Variants in FAM168B observed in about 807,000 individuals in gnomAD.
The protein encoded by FAM168B is myelin-associated neurite-outgrowth inhibitor.
A neutral mutation model predicts 21.8 loss-of-function variants in FAM168B; 19 were observed. The observed-to-expected ratio is 0.87, with a 90% confidence interval of 0.61 to 1.28. The LOEUF is 1.28. Ranked by LOEUF, FAM168B falls within the 50% of genes most tolerant of loss-of-function variation. The pLI, the probability that FAM168B is intolerant of heterozygous loss-of-function variation, is 0.00. For synonymous variants in FAM168B, 126 were observed against 104.8 expected, an observed-to-expected ratio of 1.20 and a Z score of -1.24; for missense variants, 233 against 263.1, an observed-to-expected ratio of 0.89 and a Z score of 0.79.
intron 2 of FAM168B, among the ~76,000 whole-genome samples, chr2:131,072,713 T>A (rs868806337): frequency 6.6e-6 from 1 of 152,114 alleles, no homozygotes; most frequent in Non-Finnish European, 1.5e-5. Context: ...CACCTCAGCC[T>A]CCCGAAGTGC....
At chr2:131,064,838 G>C (rs892943794) in intron 3 of FAM168B, among the ~76,000 whole-genome samples, 5 of 152,146 alleles carry the variant, frequency 3.3e-5, no homozygotes, top group African/African-American at 1.2e-4. Context: ...AGATCACCAG[G>C]AAAACAACAC....
chr2:131,075,771 A>C (rs888037326), intron 2 of FAM168B, among the ~76,000 whole-genome samples: 1 of 152,076 alleles, frequency 6.6e-6, no homozygotes, highest in Non-Finnish European at 1.5e-5. Flanking sequence ...TACAGGCACG[A>C]GCCACCGCGC....
chr2:131,065,796 A>C (rs1222507059), intron 3 of FAM168B, among the ~76,000 whole-genome samples: 1 of 150,464 alleles, frequency 6.6e-6, no homozygotes, highest in Non-Finnish European at 1.5e-5. Context: ...CTCAAAAAAA[A>C]AAGAAAAAAA....
intron 3 of FAM168B, among the ~76,000 whole-genome samples, chr2:131,060,024 G>T (rs565309893): frequency 2.1e-4 from 32 of 152,140 alleles, no homozygotes; most frequent in African/African-American, 7.7e-4. Flanking sequence ...TGTGTGAGCA[G>T]GAATTTTTTT....
intron 1 of FAM168B, 44 bp from the exon 2 acceptor site, chr2:131,082,701 A>C: frequency 7.3e-7 from 1 of 1,375,924 alleles, no homozygotes; most frequent in Non-Finnish European, 1.0e-6. Context: ...TTTTGCTCTC[A>C]GATTTTTCTC....
chr2:131,068,505 A>C (rs1692690028), intron 3 of FAM168B, among the ~76,000 whole-genome samples: 1 of 152,100 alleles, frequency 6.6e-6, no homozygotes, highest in Non-Finnish European at 1.5e-5. Context: ...CTCCTACAAG[A>C]CCAGAAGATC....
chr2:131,072,020 A>C (rs1692898334), intron 2 of FAM168B, 82 bp from the exon 3 acceptor site: 1 of 1,255,622 alleles, frequency 8.0e-7, no homozygotes, highest in African/African-American at 1.5e-5. Flanking sequence ...CATCGCTCTT[A>C]CCTTCTTCCC....
intron 1 of FAM168B, among the ~76,000 whole-genome samples, chr2:131,092,903 G>A (rs1473726098): frequency 1.3e-5 from 2 of 152,072 alleles, no homozygotes; most frequent in Non-Finnish European, 2.9e-5. Context: ...CTGCCCCCGG[G>A]TTTCACGCTC....
Position 131,050,213 on chromosome 2 carries a change from ACCT to A in FAM168B, c.*2249_*2251del. The stretch of plus-strand genomic sequence containing the variant: ...CCTGAAGAGATGCCTGTAACTTCTA[ACCT>A]CCTCCTGAACCCCAAGACTCCAGCC... On this transcript the variant is annotated 3_prime_UTR_variant, in exon 7 of 7. Transcript: ENST00000389915. 1.0e-6 allele frequency: 1 copy of A among 985,430 alleles called. No homozygotes were observed. The highest frequency in any genetic ancestry group is 1.2e-6 in the Non-Finnish European group (1 of 829,936). 61.0% of individuals were successfully genotyped at this position (985,430 alleles called of 1,614,324 possible). A position where few individuals can be genotyped will look rare whatever the true frequency, so the allele number is the denominator to read the frequency against.
chr2:131,066,538 A>G (rs1377396301), intron 3 of FAM168B, among the ~76,000 whole-genome samples: 2 of 152,168 alleles, frequency 1.3e-5, no homozygotes, highest in African/African-American at 2.4e-5. Flanking sequence ...TTGTGTGTAG[A>G]GCTTATTACA....
In FAM168B at chr2:131,050,877, T is replaced by C. The variant is rs376151537; in HGVS notation, c.*1588A>G. 5.5e-5 allele frequency: 54 copies of C among 985,598 alleles called. 1 individual carries two copies. In the South Asian group the frequency reaches 2.3e-3, roughly 41 times the overall value. 61.1% of individuals were successfully genotyped at this position (985,598 alleles called of 1,614,324 possible). A position where few individuals can be genotyped will look rare whatever the true frequency, so the allele number is the denominator to read the frequency against. Reference sequence around the variant, plus strand: ...ACTGCACTGGGAAGAAGACGCACGCTCCTGCCCTAGAGGCCGCTGAAAGGG... The same window carrying C: ...ACTGCACTGGGAAGAAGACGCACGCCCCTGCCCTAGAGGCCGCTGAAAGGG... On this transcript the variant is annotated 3_prime_UTR_variant, in exon 7 of 7. Coordinates refer to ENST00000389915, the MANE Select transcript of FAM168B (RefSeq NM_001009993.4).
At position 131,051,225 on chromosome 2, in the gene FAM168B, G is replaced by A; in HGVS notation, c.*1240C>T. On this transcript the variant is annotated 3_prime_UTR_variant, in exon 7 of 7. Transcript: ENST00000389915. ...GCCCCATCTCTAAGCGTCCCCTCCA[G>A]CCGGCCTCAGCAGACAAGTCACCAC... The A allele has an allele frequency of 1.0e-6, 1 of 984,988 alleles. No individual in the cohort carries two copies. The highest frequency in any genetic ancestry group is 1.2e-6 in the Non-Finnish European group (1 of 829,852). The allele number at this position is 984,988 out of a possible 1,614,324, so 61.0% of individuals were successfully genotyped here.
chr2:131,049,446 A>G lies in FAM168B; in HGVS notation c.*3019T>C. The G allele has an allele frequency of 2.0e-6, 2 of 985,450 alleles. No individual in the cohort carries two copies. Among genetic ancestry groups the G allele is most frequent in the Non-Finnish European group, 2.4e-6 (2 of 829,942 alleles). The allele number at this position is 985,450 out of a possible 1,614,324, so 61.0% of individuals were successfully genotyped here. On this transcript the variant is annotated 3_prime_UTR_variant, in exon 7 of 7. Coordinates refer to ENST00000389915, the MANE Select transcript of FAM168B (RefSeq NM_001009993.4). ...TAACAGATGGCTCACGAGAGACATA[A>G]AAGGTTCTGGAAGTGCCTTCAGGCC...
At chr2:131,077,449 C>T (rs1052617595) in intron 2 of FAM168B, among the ~76,000 whole-genome samples, 5 of 152,192 alleles carry the variant, frequency 3.3e-5, no homozygotes, top group Admixed American at 2.0e-4. Context: ...GCCATGAGTT[C>T]GGCAAATGTG....
chr2:131,050,926 C>G lies in FAM168B; in HGVS notation c.*1539G>C, dbSNP rs1443195484. On this transcript the variant is annotated 3_prime_UTR_variant, in exon 7 of 7. Transcript: ENST00000389915. The stretch of plus-strand genomic sequence containing the variant: ...GGACCCAGGCCTTACATCCCCCACC[C>G]CCACTCTGACCCTCACTGAGAACCG... 1.0e-6 allele frequency: 1 copy of G among 985,588 alleles called. No homozygotes were observed. The highest frequency in any genetic ancestry group is 1.2e-6 in the Non-Finnish European group (1 of 830,146). The allele number at this position is 985,588 out of a possible 1,614,324, so 61.1% of individuals were successfully genotyped here.
intron 2 of FAM168B, among the ~76,000 whole-genome samples, chr2:131,080,743 C>G (rs1470908464): frequency 1.3e-5 from 2 of 151,560 alleles, no homozygotes; most frequent in Admixed American, 6.6e-5. Context: ...GATCTCAGCT[C>G]ACTGCAAGCT....
chr2:131,072,134 G>A (rs374526405), intron 2 of FAM168B, among the ~76,000 whole-genome samples, 196 bp from the exon 3 acceptor site: 5 of 152,088 alleles, frequency 3.3e-5, no homozygotes, highest in East Asian at 3.9e-4. Context: ...TATCGTTGTC[G>A]TCTTTTGAGA....
chr2:131,082,499 T>C (rs890093156), intron 2 of FAM168B, 78 bp downstream of exon 2: 26 of 998,368 alleles, frequency 2.6e-5, no homozygotes, highest in Admixed American at 5.2e-5. Flanking sequence ...CGTTTGTCAA[T>C]AGAAAGCATT....
At chr2:131,065,034 A>G (rs6430557) in intron 3 of FAM168B, among the ~76,000 whole-genome samples, 33,106 of 152,186 alleles carry the variant, frequency 0.22, 5,226 homozygotes, top group African/African-American at 0.45. Flanking sequence ...GCCGCACAGA[A>G]GACACAGCCG....
Sources: allele counts gnomAD v4.1 joint callset (sites outside exome capture counted in the v4.1 genomes callset), GRCh38; gene constraint gnomAD v4.1.1; transcripts MANE v1.5; gene names NCBI Gene and HGNC (gene_info 2026-07-23, HGNC 2026-07-21).